The following SRPX variants were observed in gnomAD, a reference collection of about 807,000 sequenced individuals.
SRPX encodes the protein sushi repeat containing protein X-linked.
A neutral mutation model predicts 38.1 loss-of-function variants in SRPX; 24 were observed. The ratio of observed to expected loss-of-function variants is 0.63; its 90% CI spans 0.46 to 0.89. The LOEUF (loss-of-function observed/expected upper bound fraction) is 0.89. SRPX is among the 40% of genes least tolerant of loss of function. The pLI, the probability that SRPX is intolerant of heterozygous loss-of-function variation, is 0.00. For missense variants in SRPX, 416 were observed against 377.8 expected, an observed-to-expected ratio of 1.10 and a Z score of -0.84; for synonymous variants, 184 against 153.8, an observed-to-expected ratio of 1.20 and a Z score of -1.45.
At chrX:38,194,862 G>GTTTTTTTTTTT (rs1938965542) in intron 1 of SRPX, among the ~76,000 whole-genome samples, 1 of 78,350 alleles carries the variant, frequency 1.3e-5, no homozygotes, top group African/African-American at 5.4e-5. Context: ...GTTTGTTTTT[G>GTTTTTTTTTTT]GTTTTTTTTT....
intron 9 of SRPX, among the ~76,000 whole-genome samples, chrX:38,150,868 T>A (rs1172562385): frequency 3.6e-5 from 4 of 112,306 alleles, no homozygotes; most frequent in African/African-American, 9.7e-5. Context: ...CATATTTAGA[T>A]GGGAATAGCT....
chrX:38,220,235 G>T (rs1002236115), intron 1 of SRPX, among the ~76,000 whole-genome samples: 2 of 113,711 alleles, frequency 1.8e-5, no homozygotes, highest in African/African-American at 6.4e-5. Context: ...ACCGTGGCTC[G>T]TGTCCTGCGG....
At chrX:38,193,259 T>G (rs745619621) in intron 1 of SRPX, among the ~76,000 whole-genome samples, 2 of 111,737 alleles carry the variant, frequency 1.8e-5, no homozygotes, top group African/African-American at 6.5e-5. Flanking sequence ...GGGGGGGAAA[T>G]GCAAACACAC....
At chrX:38,220,657 G>T in intron 1 of SRPX, 39 bp downstream of exon 1, 1 of 1,185,827 alleles carries the variant, frequency 8.4e-7, no homozygotes, top group Non-Finnish European at 1.1e-6. Flanking sequence ...GGGGGTCTTT[G>T]GTGCCCAGCT....
chrX:38,206,350 C>A (rs974493892), intron 1 of SRPX, among the ~76,000 whole-genome samples: 5 of 112,119 alleles, frequency 4.5e-5, no homozygotes, highest in Non-Finnish European at 9.4e-5. Flanking sequence ...TGAGCCGTCC[C>A]CCAAAGTCCT....
At chrX:38,195,387 T>G (rs1328778808) in intron 1 of SRPX, among the ~76,000 whole-genome samples, 1 of 106,454 alleles carries the variant, frequency 9.4e-6, no homozygotes, top group Admixed American at 9.9e-5. Flanking sequence ...TTGTGGTTTT[T>G]TTTTTTTTTT....
rs1157031831 is a variant in SRPX, at chrX:38,220,756, G to A, written c.37C>T (p.Leu13=). The A allele has an allele frequency of 8.7e-7, 1 of 1,147,515 alleles. No homozygotes were observed. Among genetic ancestry groups the A allele is most frequent in the Non-Finnish European group, 1.2e-6 (1 of 868,378 alleles). The allele number at this position is 1,147,515 out of a possible 1,213,427, so 94.6% of individuals were successfully genotyped here. A position where few individuals can be genotyped will look rare whatever the true frequency, so the allele number is the denominator to read the frequency against. The part of the protein sequence containing the change: ...SPAHRPALLL[L]LPPLLLLLLL... ...AGCAGCAGCAGCAGAGGCGGCAGCA[G>A]CAGCAGCAGCGCGGGCCGATGTGCG... Residue 13 remains leucine (L), a synonymous_variant, in exon 1 of 10, where the codon CTG becomes TTG. Coordinates refer to ENST00000378533, the MANE Select transcript of SRPX (RefSeq NM_006307.5).
intron 7 of SRPX, among the ~76,000 whole-genome samples, chrX:38,159,637 C>G (rs1938201088): frequency 8.9e-6 from 1 of 112,742 alleles, no homozygotes; most frequent in African/African-American, 3.2e-5. Flanking sequence ...AACTTTCATG[C>G]CAGTGATGCA....
At chrX:38,158,751 C>A (rs935088253) in intron 7 of SRPX, among the ~76,000 whole-genome samples, 3 of 111,598 alleles carry the variant, frequency 2.7e-5, no homozygotes, top group African/African-American at 9.8e-5. Context: ...GAGGCCGAGG[C>A]GTGCAGATCA....
chrX:38,181,498 G>A (rs1321880228), intron 1 of SRPX, among the ~76,000 whole-genome samples: 2 of 111,896 alleles, frequency 1.8e-5, no homozygotes, highest in Non-Finnish European at 3.8e-5. Flanking sequence ...GTTGTCAACT[G>A]TGTCCACTGT....
Position 38,166,931 on chromosome X carries a change from C to T in SRPX, c.527-2036G>A, listed in dbSNP as rs1318288690. ...TCTGGGTGAAGAGTCTCAGAGTTTC[C>T]CAAAGCCAGCTTATCTCTAGCTAAC... On this transcript the variant is annotated intron_variant, in intron 4 of 9. Transcript: ENST00000378533. Among the ~76,000 whole-genome samples, 7 of 111,464 alleles carry T rather than the reference C, an allele frequency of 6.3e-5. No homozygotes were observed. The Admixed American group carries it at 6.7e-4, about 11-fold the overall frequency.
At chrX:38,158,259 G>A (rs962453918) in intron 7 of SRPX, among the ~76,000 whole-genome samples, 7 of 111,708 alleles carry the variant, frequency 6.3e-5, no homozygotes, top group Non-Finnish European at 1.3e-4. Flanking sequence ...GGGACAAGGC[G>A]GTTTTATAAT....
At chrX:38,162,418 A>G (rs1030251326) in intron 5 of SRPX, among the ~76,000 whole-genome samples, 6 of 112,339 alleles carry the variant, frequency 5.3e-5, no homozygotes, top group Non-Finnish European at 1.1e-4. Context: ...CATTCCCACC[A>G]CATCCTGCTC....
intron 8 of SRPX, 42 bp from the exon 9 acceptor site, chrX:38,154,625 T>G: frequency 1.7e-6 from 2 of 1,197,336 alleles, no homozygotes; most frequent in Non-Finnish European, 2.3e-6. Context: ...TGAGCATGGC[T>G]AAAAAAGACA....
chrX:38,167,917 T>C (rs1364200183), intron 4 of SRPX, among the ~76,000 whole-genome samples: 3 of 111,266 alleles, frequency 2.7e-5, no homozygotes, highest in East Asian at 5.6e-4. Context: ...TGCACCACCA[T>C]GCCTAGCTGA....
At chrX:38,159,564 G>C (rs1000951585) in intron 7 of SRPX, among the ~76,000 whole-genome samples, 2 of 112,810 alleles carry the variant, frequency 1.8e-5, no homozygotes, top group African/African-American at 6.5e-5. Flanking sequence ...TCAAGAGGTA[G>C]ATGAGGTATT....
At chrX:38,215,352 G>A (rs990197900) in intron 1 of SRPX, among the ~76,000 whole-genome samples, 3 of 111,644 alleles carry the variant, frequency 2.7e-5, no homozygotes, top group East Asian at 2.8e-4. Context: ...CCAGACACCC[G>A]TAAGATCCAG....
chrX:38,207,274 G>A (rs767171642), intron 1 of SRPX, among the ~76,000 whole-genome samples: 1 of 112,103 alleles, frequency 8.9e-6, no homozygotes, highest in African/African-American at 3.2e-5. Flanking sequence ...TTAATACTAC[G>A]AAGGGCCAAA....
chrX:38,153,074 C>T (rs1192785593), intron 9 of SRPX, among the ~76,000 whole-genome samples: 1 of 111,565 alleles, frequency 9.0e-6, no homozygotes, highest in Non-Finnish European at 1.9e-5. Context: ...TTAGCGCCAA[C>T]ATGGTGCCAG....
Sources: gnomAD v4.1 joint callset for allele counts (sites outside exome capture counted in the v4.1 genomes callset) on GRCh38, gnomAD v4.1.1 for gene constraint, MANE v1.5 for transcripts, NCBI Gene and HGNC (gene_info 2026-07-23, HGNC 2026-07-21) for gene names.